Variants in AHI1 observed in about 807,000 individuals in gnomAD.
AHI1 encodes jouberin.
Under a neutral mutation model 149.3 loss-of-function variants are expected in AHI1, and 123 were observed. The observed-to-expected ratio is 0.82, with a 90% confidence interval of 0.71 to 0.96. The LOEUF is 0.96. Ranked by LOEUF, AHI1 falls within the 40% of genes least tolerant of loss-of-function variation. The probability of loss-of-function intolerance (pLI) is 0.00; values close to 1 mark genes in which losing one functional copy is unlikely to be tolerated. For synonymous variants in AHI1, 475 were observed against 459.8 expected, an observed-to-expected ratio of 1.03 and a Z score of -0.42; for missense variants, 1,439 against 1,422.7, an observed-to-expected ratio of 1.01 and a Z score of -0.18.
At chr6:135,338,450 A>C (rs552458342) in intron 24 of AHI1, among the ~76,000 whole-genome samples, 1 of 152,374 alleles carries the variant, frequency 6.6e-6, no homozygotes, top group South Asian at 2.1e-4. Flanking sequence ...TCAATGGCTA[A>C]ATAGAAAGTA....
intron 23 of AHI1, among the ~76,000 whole-genome samples, chr6:135,363,825 TC>T (rs1342584858): frequency 6.9e-6 from 1 of 145,278 alleles, no homozygotes; most frequent in Non-Finnish European, 1.5e-5. Context: ...GCTCCTCACT[TC>T]CCAGTAGGCG....
At chr6:135,398,429 C>A (rs1779563281) in intron 22 of AHI1, among the ~76,000 whole-genome samples, 1 of 152,094 alleles carries the variant, frequency 6.6e-6, no homozygotes, top group African/African-American at 2.4e-5. Context: ...ACCCCCAAAC[C>A]AGTTCATTAC....
chr6:135,492,637 C>T, intron 3 of AHI1: 1 of 985,376 alleles, frequency 1.0e-6, no homozygotes, highest in Non-Finnish European at 1.2e-6. Context: ...TTTTAAGAAA[C>T]CAAACTCCAT....
At chr6:135,483,721 C>G (rs1010061578) in intron 5 of AHI1, among the ~76,000 whole-genome samples, 5 of 152,146 alleles carry the variant, frequency 3.3e-5, no homozygotes, top group African/African-American at 1.2e-4. Context: ...AGTATATTCT[C>G]TTTATTTATC....
intron 27 of AHI1, among the ~76,000 whole-genome samples, chr6:135,293,616 G>GACAAATAACTGTAAATTGAAACTTAAAA (rs60108996): frequency 6.6e-6 from 1 of 151,612 alleles, no homozygotes; most frequent in African/African-American, 2.4e-5. Flanking sequence ...ATAAACTAGC[G>GACAAATAACTGTAAATTGAAACTTAAAA]ACAATACCAT....
Position 135,463,245 on chromosome 6 carries a change from A to T in AHI1, c.811T>A (p.Ser271Thr), listed in dbSNP as rs746168950. ...TCTTGATGAGAATCTGAAGAAACTG[A>T]TCTAACTGAAGATTCTTTCTTTTGT... is the stretch of plus-strand genomic sequence containing the variant. Reference protein sequence around the residue: ...GEQKKESSVRSVSSDSHQDDE... With the variant: ...GEQKKESSVRTVSSDSHQDDE... The change falls in exon 8 of 29, where the codon TCA becomes ACA. Residue 271 changes from serine (S) to threonine (T), a missense_variant. Physicochemically the swap from Ser to Thr is moderately conservative, Grantham distance 58. Transcript: ENST00000265602. 6.2e-7 allele frequency: 1 copy of T among 1,610,802 alleles called. No individual in the cohort carries two copies. Among genetic ancestry groups the T allele is most frequent in the Non-Finnish European group, 8.5e-7 (1 of 1,179,392 alleles).
chr6:135,303,949 C>T lies in AHI1; in HGVS notation c.3427-3391G>A, dbSNP rs79646307. On this transcript the variant is annotated intron_variant, in intron 26 of 28. Transcript: ENST00000265602. ...TCTTTTATTGCTACAACTCTGTTTCCGGGAGCACAATTTTAGGATTTTAAA... is the reference window on the plus strand; with the variant it reads ...TCTTTTATTGCTACAACTCTGTTTCTGGGAGCACAATTTTAGGATTTTAAA... Among the ~76,000 whole-genome samples the T allele has an allele frequency of 9.2e-3, 1,405 of 152,222 alleles. 20 individuals carry two copies. Among genetic ancestry groups the T allele is most frequent in the African/African-American group, 0.031 (1,287 of 41,516 alleles).
intron 23 of AHI1, among the ~76,000 whole-genome samples, chr6:135,361,144 C>T (rs966601882): frequency 1.5e-4 from 23 of 152,132 alleles, no homozygotes; most frequent in African/African-American, 4.8e-4. Context: ...GAGATTACAA[C>T]GTACCACTGT....
At position 135,388,099 on chromosome 6, in the gene AHI1, A is replaced by T. The variant is rs1224282362; in HGVS notation, c.3109+6677T>A. On this transcript the variant is annotated intron_variant, in intron 23 of 28. Coordinates refer to ENST00000265602, the MANE Select transcript of AHI1 (RefSeq NM_001134831.2). Reference sequence around the variant, plus strand: ...AACATTTTTGATTCTTTTTAGTACCATAAAAGACATTTAAGGGCATCTGCC... The same window carrying T: ...AACATTTTTGATTCTTTTTAGTACCTTAAAAGACATTTAAGGGCATCTGCC... The T allele has an allele frequency of 3.9e-6, 6 of 1,546,884 alleles. No individual in the cohort carries two copies. In the Admixed American group the frequency reaches 1.1e-4, roughly 28 times the overall value.
At chr6:135,445,367 G>T (rs75037260) in intron 13 of AHI1, among the ~76,000 whole-genome samples, 1 of 152,046 alleles carries the variant, frequency 6.6e-6, no homozygotes, top group Non-Finnish European at 1.5e-5. Context: ...AATGCTTCTT[G>T]CCACTGCATA....
intron 23 of AHI1, among the ~76,000 whole-genome samples, chr6:135,379,487 CTA>C (rs1158822795): frequency 6.6e-6 from 1 of 152,192 alleles, no homozygotes; most frequent in Non-Finnish European, 1.5e-5. Flanking sequence ...ACTGTCTTCT[CTA>C]TGAGGCCTTA....
At chr6:135,453,483 T>C (rs1342382765) in intron 10 of AHI1, 47 bp from the exon 11 acceptor site, 5 of 1,299,542 alleles carry the variant, frequency 3.8e-6, no homozygotes, top group Non-Finnish European at 3.2e-6. Flanking sequence ...ATTTAATATT[T>C]TCTAATGGTA....
intron 27 of AHI1, among the ~76,000 whole-genome samples, chr6:135,292,361 T>C (rs1256426730): frequency 1.3e-5 from 2 of 152,214 alleles, no homozygotes; most frequent in African/African-American, 4.8e-5. Flanking sequence ...TCTTCTTTTA[T>C]CTCTCACAAT....
intron 15 of AHI1, among the ~76,000 whole-genome samples, chr6:135,437,963 T>C (rs1029343218): frequency 6.6e-6 from 1 of 152,192 alleles, no homozygotes; most frequent in Non-Finnish European, 1.5e-5. Context: ...AAGGTACATA[T>C]TTGTTTCCTC....
At chr6:135,354,239 T>C (rs1164298824) in intron 24 of AHI1, among the ~76,000 whole-genome samples, 1 of 152,160 alleles carries the variant, frequency 6.6e-6, no homozygotes, top group Non-Finnish European at 1.5e-5. Context: ...AAGTTTGGAA[T>C]GTAGGAGCTT....
intron 7 of AHI1, among the ~76,000 whole-genome samples, chr6:135,464,860 C>T (rs1159816596): frequency 6.6e-6 from 1 of 152,204 alleles, no homozygotes; most frequent in African/African-American, 2.4e-5. Flanking sequence ...ATCCTGATTG[C>T]AACCTGTGAT....
chr6:135,363,698 C>G (rs1167145707), intron 23 of AHI1, among the ~76,000 whole-genome samples: 1 of 148,824 alleles, frequency 6.7e-6, no homozygotes, highest in Admixed American at 6.6e-5. Flanking sequence ...CACCTCCCTC[C>G]CGGACGGGGC....
intron 2 of AHI1, among the ~76,000 whole-genome samples, chr6:135,496,929 A>T (rs952998938): frequency 2.6e-5 from 4 of 152,262 alleles, no homozygotes; most frequent in Non-Finnish European, 5.9e-5. Flanking sequence ...CAGAGTACTC[A>T]TAAGAAGCAA....
At chr6:135,315,630 GA>G (rs910671821) in intron 26 of AHI1, among the ~76,000 whole-genome samples, 2 of 152,054 alleles carry the variant, frequency 1.3e-5, no homozygotes, top group African/African-American at 4.8e-5. Context: ...TACTGAAGAA[GA>G]AAAAATCCAA....
Sources: allele counts gnomAD v4.1 joint callset (sites outside exome capture counted in the v4.1 genomes callset), GRCh38; gene constraint gnomAD v4.1.1; transcripts MANE v1.5; gene names NCBI Gene and HGNC (gene_info 2026-07-23, HGNC 2026-07-21).